Variants in DDX27 observed in about 807,000 individuals in gnomAD.
The protein encoded by DDX27 is probable ATP-dependent RNA helicase DDX27.
Under a neutral mutation model 99.3 loss-of-function variants are expected in DDX27, and 42 were observed. That is an observed-to-expected ratio of 0.42 (90% CI 0.33 to 0.55). The LOEUF is 0.55. DDX27 is among the 20% of genes least tolerant of loss of function. The pLI, the probability that DDX27 is intolerant of heterozygous loss-of-function variation, is 0.07. For missense variants in DDX27, 798 were observed against 976.8 expected, an observed-to-expected ratio of 0.82 and a Z score of 2.44; for synonymous variants, 329 against 353.8, an observed-to-expected ratio of 0.93 and a Z score of 0.79.
intron 9 of DDX27, among the ~76,000 whole-genome samples, chr20:49,231,305 G>A (rs958711622): frequency 2.0e-5 from 3 of 152,194 alleles, no homozygotes; most frequent in Non-Finnish European, 2.9e-5. Flanking sequence ...ACAAGGGCAT[G>A]TCTAGTATAT....
At chr20:49,223,204 C>A in intron 3 of DDX27, 64 bp from the exon 4 acceptor site, 2 of 1,521,700 alleles carry the variant, frequency 1.3e-6, no homozygotes, top group Non-Finnish European at 1.8e-6. Flanking sequence ...AGCTTCCTAT[C>A]GCTCTACTTA....
At chr20:49,237,573 G>C (rs1019296145) in intron 14 of DDX27, among the ~76,000 whole-genome samples, 4 of 152,174 alleles carry the variant, frequency 2.6e-5, no homozygotes, top group Non-Finnish European at 4.4e-5. Flanking sequence ...TGGGGATACA[G>C]CAGGGAACAA....
chr20:49,241,211 T>G (rs903617096), intron 16 of DDX27, among the ~76,000 whole-genome samples: 1 of 152,138 alleles, frequency 6.6e-6, no homozygotes, highest in African/African-American at 2.4e-5. Flanking sequence ...GGTTGCAAAA[T>G]TTCCCTCCTA....
intron 18 of DDX27, 35 bp from the exon 19 acceptor site, chr20:49,242,559 G>A: frequency 1.3e-6 from 2 of 1,599,238 alleles, no homozygotes; most frequent in Non-Finnish European, 1.7e-6. Context: ...TTGGGCCAAA[G>A]ACAACCATAT....
intron 1 of DDX27, among the ~76,000 whole-genome samples, chr20:49,220,732 C>T (rs75699534): frequency 0.16 from 24,374 of 152,184 alleles, 2,390 homozygotes; most frequent in East Asian, 0.35. Flanking sequence ...GTACAGTGCC[C>T]GGTCACACCC....
At chr20:49,237,282 T>G (rs1980337467) in intron 14 of DDX27, among the ~76,000 whole-genome samples, 1 of 152,206 alleles carries the variant, frequency 6.6e-6, no homozygotes, top group Non-Finnish European at 1.5e-5. Flanking sequence ...TGAGCTATGA[T>G]TGTGCCACTG....
Position 49,242,670 on chromosome 20 carries a change from G to C in DDX27, c.2193G>C (p.Gln731His), listed in dbSNP as rs1004401303. ...LTNTSKKALK[Q>H]YRAGPSFEER... ...ACACAAGCAAGAAGGCCCTGAAACA[G>C]TATCGAGCTGGGTAGGATTTTAAGT... The change falls in exon 19 of 21, where the codon CAG becomes CAC. Residue 731 changes from glutamine to histidine, a missense_variant. Gln to His is a conservative substitution (Grantham distance 24). Transcript: ENST00000618172. 1 of 1,611,382 alleles carries C rather than the reference G, an allele frequency of 6.2e-7. No homozygotes were observed. The highest frequency in any genetic ancestry group is 1.3e-5 in the African/African-American group (1 of 74,654).
Position 49,224,956 on chromosome 20 carries a change from G to A in DDX27, c.478G>A (p.Val160Ile). The stretch of plus-strand genomic sequence containing the variant: ...GTTTTTCTCCATAGATACACTCAAA[G>A]TAAAGGATCGGAAGAAGAAGAAGAA... ...NILTKADTLKVKDRKKKKKKG... is the reference protein window; with the variant it reads ...NILTKADTLKIKDRKKKKKKG... The change falls in exon 5 of 21, where the codon GTA (valine) becomes ATA (isoleucine). Residue 160 changes from valine to isoleucine, a missense_variant. Transcript: ENST00000618172. The A allele has an allele frequency of 6.2e-7, 1 of 1,614,154 alleles. No homozygotes were observed. Among genetic ancestry groups the A allele is most frequent in the Non-Finnish European group, 8.5e-7 (1 of 1,180,040 alleles).
At chr20:49,228,313 T>A (rs1365297298) in intron 7 of DDX27, among the ~76,000 whole-genome samples, 5 of 152,054 alleles carry the variant, frequency 3.3e-5, no homozygotes, top group South Asian at 2.1e-4. Context: ...TTTTTATATA[T>A]TTAGTAGAGA....
intron 19 of DDX27, among the ~76,000 whole-genome samples, chr20:49,242,894 G>T (rs1980528287): frequency 6.6e-6 from 1 of 152,004 alleles, no homozygotes. Flanking sequence ...ACTAATTTTT[G>T]TATTTTTAGT....
intron 9 of DDX27, chr20:49,232,799 G>A (rs1218600032): frequency 5.8e-6 from 1 of 173,480 alleles, no homozygotes; most frequent in African/African-American, 2.4e-5. Flanking sequence ...AATTAAGTGG[G>A]TGTGGTGGTG....
At chr20:49,226,635 T>G in intron 7 of DDX27, 100 bp downstream of exon 7, 1 of 741,834 alleles carries the variant, frequency 1.3e-6, no homozygotes, top group Non-Finnish European at 2.1e-6. Flanking sequence ...TAAATATTCT[T>G]GGTTTTTTGA....
At position 49,242,647 on chromosome 20, in the gene DDX27, A is replaced by C; in HGVS notation, c.2170A>C (p.Thr724Pro). 1 of 1,614,190 alleles carries C rather than the reference A, an allele frequency of 6.2e-7. No individual in the cohort carries two copies. Among genetic ancestry groups the C allele is most frequent in the Non-Finnish European group, 8.5e-7 (1 of 1,180,028 alleles). ...KSVFDEELTN[T>P]SKKALKQYRA... ...TGTATTTGATGAAGAACTCACCAACACAAGCAAGAAGGCCCTGAAACAGTA... is the reference window on the plus strand; with the variant it reads ...TGTATTTGATGAAGAACTCACCAACCCAAGCAAGAAGGCCCTGAAACAGTA... The change falls in exon 19 of 21, where the codon ACA becomes CCA. Residue 724 changes from threonine to proline, a missense_variant. Thr to Pro is a conservative substitution (Grantham distance 38). Around this residue, in one of 2 missense-constraint regions of DDX27, gnomAD observed 553 missense variants for 727.9 expected, o/e 0.76. Transcript: ENST00000618172.
At chr20:49,237,530 T>C (rs1189412890) in intron 14 of DDX27, among the ~76,000 whole-genome samples, 1 of 152,196 alleles carries the variant, frequency 6.6e-6, no homozygotes, top group African/African-American at 2.4e-5. Flanking sequence ...AGTCCTGCTG[T>C]GGGCCTAGTG....
chr20:49,232,751 G>C (rs1490355687), intron 9 of DDX27: 3 of 128,788 alleles, frequency 2.3e-5, no homozygotes, highest in African/African-American at 6.2e-5. Flanking sequence ...GCGACAGAGC[G>C]AGACTCCGTC....
intron 10 of DDX27, 46 bp from the exon 11 acceptor site, chr20:49,233,522 T>G: frequency 6.2e-7 from 1 of 1,604,054 alleles, no homozygotes; most frequent in East Asian, 2.2e-5. Flanking sequence ...CCTCCTTCCC[T>G]ACCACCTTGC....
At chr20:49,221,619 C>T in intron 2 of DDX27, 21 bp downstream of exon 2, 1 of 1,563,308 alleles carries the variant, frequency 6.4e-7, no homozygotes, top group South Asian at 1.2e-5. Flanking sequence ...CAGTGATGGA[C>T]AGCTCCAGAC....
At chr20:49,225,238 T>G in intron 6 of DDX27, 39 bp downstream of exon 6, 1 of 1,508,520 alleles carries the variant, frequency 6.6e-7, no homozygotes, top group Non-Finnish European at 9.2e-7. Context: ...TGTAGAAGCA[T>G]GGTCTTGCTA....
At chr20:49,225,276 G>T in intron 6 of DDX27, 77 bp downstream of exon 6, 1 of 1,225,284 alleles carries the variant, frequency 8.2e-7, no homozygotes, top group African/African-American at 1.5e-5. Flanking sequence ...TCAAATTCCT[G>T]GCATCAAGCA....
Sources: allele counts gnomAD v4.1 joint callset (sites outside exome capture counted in the v4.1 genomes callset), GRCh38; gene constraint gnomAD v4.1.1; regional missense constraint gnomAD v4.1.1; transcripts MANE v1.5; gene names NCBI Gene and HGNC (gene_info 2026-07-23, HGNC 2026-07-21).